The following STK38 variants were observed in gnomAD, a reference collection of about 807,000 sequenced individuals.
STK38 encodes the protein serine/threonine kinase 38.
STK38 carries 26 observed loss-of-function variants against 59.0 expected under a neutral mutation model. The observed-to-expected ratio is 0.44, with a 90% CI of 0.32 to 0.61. The LOEUF (loss-of-function observed/expected upper bound fraction) is 0.61, where lower values mean the gene tolerates loss of function less well. Ranked by LOEUF, STK38 falls within the 20% of genes least tolerant of loss-of-function variation. The pLI is 0.04. For missense variants in STK38, 433 were observed against 566.0 expected (o/e 0.76, Z 2.38); for synonymous variants, 175 against 176.6 (o/e 0.99, Z 0.07).
chr6:36,534,567 C>T (rs1777741222), intron 2 of STK38, among the ~76,000 whole-genome samples: 1 of 151,954 alleles, frequency 6.6e-6, no homozygotes, highest in Non-Finnish European at 1.5e-5. Context: ...GTGGGAAAAT[C>T]ACTCGAGCCC....
At chr6:36,522,702 G>A (rs2267927) in intron 4 of STK38, among the ~76,000 whole-genome samples, 41,885 of 150,960 alleles carry the variant, frequency 0.28, 6,710 homozygotes, top group African/African-American at 0.44. Flanking sequence ...CTAAAAATAC[G>A]AAAATTAGCT....
chr6:36,546,181 C>G (rs1778049141), intron 1 of STK38, among the ~76,000 whole-genome samples: 1 of 152,176 alleles, frequency 6.6e-6, no homozygotes, highest in Non-Finnish European at 1.5e-5. Flanking sequence ...AATATTCTTC[C>G]CCCATTTCAT....
At chr6:36,500,443 G>C (rs1297341429) in intron 9 of STK38, among the ~76,000 whole-genome samples, 1 of 151,974 alleles carries the variant, frequency 6.6e-6, no homozygotes, top group Non-Finnish European at 1.5e-5. Flanking sequence ...CGCAGAACTA[G>C]TTAGGTGGTA....
At position 36,537,816 on chromosome 6, in the gene STK38, T is replaced by C. The variant is rs566871162; in HGVS notation, c.131+2256A>G. On this transcript the variant is annotated intron_variant, in intron 2 of 13. Coordinates refer to ENST00000229812, the MANE Select transcript of STK38 (RefSeq NM_007271.4). ...TGGGAGGCTGAGGCAGGAGGATCGC[T>C]TGAGCCTGGGAGGTCAAGGATGCAG... Among the ~76,000 whole-genome samples the C allele has an allele frequency of 2.6e-5, 4 of 151,568 alleles. No homozygotes were observed. The East Asian group carries it at 7.9e-4, about 30-fold the overall frequency.
intron 9 of STK38, among the ~76,000 whole-genome samples, chr6:36,504,720 T>A (rs887937439): frequency 4.5e-4 from 68 of 151,744 alleles, no homozygotes; most frequent in African/African-American, 1.6e-3. Flanking sequence ...ATACGAAAAT[T>A]GTGAAATTGC....
intron 9 of STK38, among the ~76,000 whole-genome samples, chr6:36,506,041 T>C (rs746393699): frequency 2.0e-5 from 3 of 152,184 alleles, no homozygotes; most frequent in African/African-American, 4.8e-5. Flanking sequence ...TAATTTTATA[T>C]AGGCACAAAG....
At chr6:36,530,846 T>A (rs1317815891) in intron 2 of STK38, among the ~76,000 whole-genome samples, 1 of 151,898 alleles carries the variant, frequency 6.6e-6, no homozygotes. Flanking sequence ...TATGCCACCA[T>A]GTGTGGCTAA....
chr6:36,505,242 A>G (rs1389647928), intron 9 of STK38, among the ~76,000 whole-genome samples: 1 of 152,226 alleles, frequency 6.6e-6, no homozygotes, highest in Non-Finnish European at 1.5e-5. Context: ...GTGGAGAGAC[A>G]TAATAGAAGC....
chr6:36,521,046 T>C (rs1582435713), intron 5 of STK38, among the ~76,000 whole-genome samples: 1 of 152,234 alleles, frequency 6.6e-6, no homozygotes, highest in African/African-American at 2.4e-5. Flanking sequence ...ACTAGATTTA[T>C]AGAAAGTCTA....
intron 8 of STK38, 53 bp downstream of exon 8, chr6:36,507,447 G>T: frequency 6.9e-7 from 1 of 1,448,602 alleles, no homozygotes; most frequent in African/African-American, 1.4e-5. Context: ...AAGGGAAACA[G>T]CTCTTCTAGG....
At chr6:36,507,367 C>T in intron 8 of STK38, 133 bp downstream of exon 8, 2 of 763,724 alleles carry the variant, frequency 2.6e-6, no homozygotes, top group Non-Finnish European at 4.4e-6. Context: ...CACAGGCAAA[C>T]CTGGGAAGGT....
chr6:36,513,596 G>A (rs971348130), intron 7 of STK38, among the ~76,000 whole-genome samples: 44 of 151,990 alleles, frequency 2.9e-4, no homozygotes, highest in African/African-American at 8.2e-4. Flanking sequence ...TATTACAGGC[G>A]TAAGCCACCA....
chr6:36,541,768 C>T (rs991153716), intron 1 of STK38, among the ~76,000 whole-genome samples: 1 of 151,830 alleles, frequency 6.6e-6, no homozygotes, highest in South Asian at 2.1e-4. Flanking sequence ...TAGTGGCTTA[C>T]CTGTAGGTAG....
At chr6:36,521,145 T>C (rs536693458) in intron 5 of STK38, among the ~76,000 whole-genome samples, 1 of 152,326 alleles carries the variant, frequency 6.6e-6, no homozygotes, top group South Asian at 2.1e-4. Flanking sequence ...AAACCAGGTT[T>C]TGGTTTTAGA....
At chr6:36,541,897 C>T (rs2127492738) in intron 1 of STK38, among the ~76,000 whole-genome samples, 1 of 150,266 alleles carries the variant, frequency 6.7e-6, no homozygotes. Flanking sequence ...GATTCAATCT[C>T]AGCTCACTGG....
chr6:36,500,791 G>A (rs1187017041), intron 9 of STK38, among the ~76,000 whole-genome samples: 1 of 147,848 alleles, frequency 6.8e-6, no homozygotes, highest in African/African-American at 2.5e-5. Flanking sequence ...AGGAATTATA[G>A]TATCTTACTC....
chr6:36,530,244 GAA>G (rs1777632874), intron 2 of STK38, among the ~76,000 whole-genome samples: 1 of 147,918 alleles, frequency 6.8e-6, no homozygotes, highest in Admixed American at 6.9e-5. Flanking sequence ...CTGTCAGAAA[GAA>G]AAGAGAAGAG....
At chr6:36,500,499 C>A (rs747129774) in intron 9 of STK38, among the ~76,000 whole-genome samples, 7 of 151,982 alleles carry the variant, frequency 4.6e-5, no homozygotes, top group African/African-American at 1.7e-4. Context: ...TGGTGGTTCA[C>A]GCCTGTAATC....
intron 12 of STK38, 56 bp downstream of exon 12, chr6:36,497,724 A>G (rs989720434): frequency 1.3e-5 from 18 of 1,422,112 alleles, no homozygotes; most frequent in Non-Finnish European, 1.8e-5. Context: ...CCAAATTATT[A>G]TTAAGTAAAC....
Sources: gnomAD v4.1 joint callset for allele counts (sites outside exome capture counted in the v4.1 genomes callset) on GRCh38, gnomAD v4.1.1 for gene constraint, MANE v1.5 for transcripts, NCBI Gene and HGNC (gene_info 2026-07-23, HGNC 2026-07-21) for gene names.